Variants in PAPOLG observed in about 807,000 individuals in gnomAD.
PAPOLG encodes PAP-gamma.
In PAPOLG, 40 loss-of-function variants were observed where a neutral mutation model predicts 99.0. The observed-to-expected ratio is 0.40, with a 90% confidence interval of 0.31 to 0.53. PAPOLG has a LOEUF of 0.53. PAPOLG is among the 20% of genes least tolerant of loss of function. PAPOLG has a pLI of 0.41. For missense variants in PAPOLG, 675 were observed against 884.1 expected, an observed-to-expected ratio of 0.76 and a Z score of 3.00; for synonymous variants, 310 against 299.3, an observed-to-expected ratio of 1.04 and a Z score of -0.37.
intron 17 of PAPOLG, among the ~76,000 whole-genome samples, chr2:60,792,926 C>T (rs1671583876): frequency 6.6e-6 from 1 of 152,132 alleles, no homozygotes; most frequent in Non-Finnish European, 1.5e-5. Flanking sequence ...TTCCCAGCTA[C>T]TTGGGAGGCT....
chr2:60,768,994 G>T (rs1035210328), intron 5 of PAPOLG, 104 bp downstream of exon 5: 1 of 844,486 alleles, frequency 1.2e-6, no homozygotes, highest in African/African-American at 1.7e-5. Context: ...TTACTATTAG[G>T]AGGTATTTAA....
chr2:60,795,989 G>A (rs1288033589), intron 21 of PAPOLG, among the ~76,000 whole-genome samples: 4 of 152,002 alleles, frequency 2.6e-5, no homozygotes, highest in African/African-American at 9.7e-5. Flanking sequence ...CCAAACAATT[G>A]CAGCAAAATT....
At chr2:60,786,001 AAAG>A (rs1466663035) in intron 13 of PAPOLG, among the ~76,000 whole-genome samples, 1 of 152,228 alleles carries the variant, frequency 6.6e-6, no homozygotes. Context: ...CTATTAAAAA[AAAG>A]AACACACAGA....
In PAPOLG at chr2:60,796,208, C is replaced by CTT. The variant is rs66526788; in HGVS notation, c.2113-829_2113-828dup. On this transcript the variant is annotated intron_variant, in intron 21 of 21. Transcript: ENST00000238714. ...TTACAGAAGTCTAGATTTTGCCTTC[C>CTT]TTTTTTTTTTTTTTTTTTTTTTTTT... Among the ~76,000 whole-genome samples, 182 of 110,336 alleles carry CTT rather than the reference C, an allele frequency of 1.6e-3. 7 individuals carry two copies. The highest frequency in any genetic ancestry group is 2.2e-3 in the Non-Finnish European group (117 of 53,100). The allele number at this position is 110,336 out of a possible 152,430, so 72.4% of individuals were successfully genotyped here.
intron 8 of PAPOLG, among the ~76,000 whole-genome samples, chr2:60,775,712 T>G (rs903920562): frequency 2.0e-5 from 3 of 152,190 alleles, no homozygotes; most frequent in African/African-American, 4.8e-5. Flanking sequence ...TTACAATTTT[T>G]TTTTTGTTTC....
intron 3 of PAPOLG, among the ~76,000 whole-genome samples, chr2:60,764,243 A>G (rs1036403888): frequency 7.9e-5 from 12 of 152,078 alleles, no homozygotes; most frequent in Admixed American, 6.6e-4. Context: ...TTATATTTTA[A>G]GGTTTTTGTT....
At position 60,783,010 on chromosome 2, in the gene PAPOLG, AT is replaced by A. The variant is rs1317620148; in HGVS notation, c.1113-145del. On this transcript the variant is annotated intron_variant, in intron 12 of 21. Coordinates refer to ENST00000238714, the MANE Select transcript of PAPOLG (RefSeq NM_022894.4). ...AGGACCTAGAATTAATTTTGTGAAAATCAGAGCACATTTAATTTTCATAAAC... is the reference window on the plus strand; with the variant it reads ...AGGACCTAGAATTAATTTTGTGAAAACAGAGCACATTTAATTTTCATAAAC... 7.8e-6 allele frequency: 7 copies of A among 901,318 alleles called. No homozygotes were observed. The Admixed American group carries it at 2.7e-4, about 35-fold the overall frequency. 55.8% of individuals were successfully genotyped at this position (901,318 alleles called of 1,614,324 possible). A position where few individuals can be genotyped will look rare whatever the true frequency, so the allele number is the denominator to read the frequency against.
Position 60,797,254 on chromosome 2 carries a change from A to C in PAPOLG, c.*94A>C. On this transcript the variant is annotated 3_prime_UTR_variant, in exon 22 of 22. Transcript: ENST00000238714. Reference sequence around the variant, plus strand: ...AAATAGAAGTGGCTGTCATACGTGAAATAAGGTGAAAGTGACAGCCTTCAG... The same window carrying C: ...AAATAGAAGTGGCTGTCATACGTGACATAAGGTGAAAGTGACAGCCTTCAG... 2.0e-6 allele frequency: 3 copies of C among 1,477,934 alleles called. No individual in the cohort carries two copies. Among genetic ancestry groups the C allele is most frequent in the Non-Finnish European group, 2.8e-6 (3 of 1,068,106 alleles). 91.6% of individuals were successfully genotyped at this position (1,477,934 alleles called of 1,614,324 possible).
chr2:60,778,560 A>G (rs767097584), intron 8 of PAPOLG, among the ~76,000 whole-genome samples: 2 of 152,148 alleles, frequency 1.3e-5, no homozygotes, highest in Admixed American at 6.6e-5. Flanking sequence ...AACTCTCAGT[A>G]TACTAAAAAA....
rs1176032213 is a variant in PAPOLG at position 60,768,496 on chromosome 2, T to C, written c.273T>C (p.Thr91=). 6.2e-7 allele frequency: 1 copy of C among 1,613,938 alleles called. No individual in the cohort carries two copies. The highest frequency in any genetic ancestry group is 1.3e-5 in the African/African-American group (1 of 74,928). ...ACCTCCCACCTTCTGTTGTGGCTACTGTTGGTGGTAAAATTTTCACATTTG... is the reference window on the plus strand; with the variant it reads ...ACCTCCCACCTTCTGTTGTGGCTACCGTTGGTGGTAAAATTTTCACATTTG... The part of the protein sequence containing the change: ...SKNLPPSVVA[T]VGGKIFTFGS... Residue 91 remains threonine (T), a synonymous_variant, in exon 4 of 22, where the codon ACT becomes ACC. Transcript: ENST00000238714.
chr2:60,763,910 C>A (rs1670596371), intron 3 of PAPOLG, among the ~76,000 whole-genome samples: 1 of 152,056 alleles, frequency 6.6e-6, no homozygotes, highest in Non-Finnish European at 1.5e-5. Context: ...TCAAGCAGTT[C>A]TCTTGCCTCA....
intron 2 of PAPOLG, among the ~76,000 whole-genome samples, chr2:60,760,511 G>A (rs749483543): frequency 6.6e-6 from 1 of 152,194 alleles, no homozygotes; most frequent in Non-Finnish European, 1.5e-5. Flanking sequence ...TATTACACAT[G>A]ATAAGTGCTA....
chr2:60,765,855 C>A (rs1323314270), intron 3 of PAPOLG, among the ~76,000 whole-genome samples: 1 of 152,138 alleles, frequency 6.6e-6, no homozygotes, highest in Non-Finnish European at 1.5e-5. Context: ...GTGGTGCATG[C>A]CTGTAGTCCC....
intron 15 of PAPOLG, among the ~76,000 whole-genome samples, chr2:60,789,614 A>G (rs1671470689): frequency 6.6e-6 from 1 of 152,198 alleles, no homozygotes; most frequent in Non-Finnish European, 1.5e-5. Flanking sequence ...AGTGAAAAGT[A>G]TGTCTTTCAC....
chr2:60,765,099 C>CT (rs761744312), intron 3 of PAPOLG, among the ~76,000 whole-genome samples: 10 of 152,102 alleles, frequency 6.6e-5, no homozygotes, highest in Non-Finnish European at 1.3e-4. Flanking sequence ...ATCTCTCAGT[C>CT]TGTCTCCCAA....
Position 60,774,633 on chromosome 2 carries a change from TG to T in PAPOLG, c.605-398del, listed in dbSNP as rs750658273. 9.5e-4 allele frequency among the ~76,000 whole-genome samples: 144 copies of T among 152,314 alleles called. 1 individual carries two copies. Among genetic ancestry groups the T allele is most frequent in the Middle Eastern group, 3.4e-3 (1 of 294 alleles). ...CACCCACCTCAGCCTACCAAAGGGC[TG>T]GGATTGAGAACCAATGTTTTATAGT... On this transcript the variant is annotated intron_variant, in intron 7 of 21. Coordinates refer to ENST00000238714, the MANE Select transcript of PAPOLG (RefSeq NM_022894.4).
chr2:60,779,474 T>C, intron 8 of PAPOLG, 163 bp from the exon 9 acceptor site: 1 of 689,714 alleles, frequency 1.4e-6, no homozygotes, highest in South Asian at 2.4e-5. Context: ...TTATCAGTTT[T>C]AATGTTTTGT....
intron 8 of PAPOLG, among the ~76,000 whole-genome samples, chr2:60,775,685 A>T (rs1241877720): frequency 6.6e-6 from 1 of 152,236 alleles, no homozygotes; most frequent in Admixed American, 6.5e-5. Context: ...GGTTCCAGAC[A>T]ACTGCAGTAA....
At chr2:60,792,019 C>T in intron 16 of PAPOLG, 110 bp from the exon 17 acceptor site, 1 of 1,455,672 alleles carries the variant, frequency 6.9e-7, no homozygotes. Context: ...ACTAAAATCT[C>T]ATTTTCATTA....
Sources: allele counts gnomAD v4.1 joint callset (sites outside exome capture counted in the v4.1 genomes callset), GRCh38; gene constraint gnomAD v4.1.1; transcripts MANE v1.5; gene names NCBI Gene and HGNC (gene_info 2026-07-23, HGNC 2026-07-21).